UNC45A: variants seen among roughly 807,000 people sequenced by gnomAD.
The protein encoded by UNC45A is protein unc-45 homolog A.
UNC45A carries 78 observed loss-of-function variants against 103.2 expected under a neutral mutation model. The observed-to-expected ratio is 0.76, with a 90% confidence interval of 0.63 to 0.91. The LOEUF is 0.91. Among genes scored for constraint, UNC45A ranks in the 40% least tolerant of loss-of-function variants. UNC45A has a pLI of 0.00. For missense variants in UNC45A, 1,193 were observed against 1,224.8 expected, an observed-to-expected ratio of 0.97 and a Z score of 0.39; for synonymous variants, 495 against 504.6, an observed-to-expected ratio of 0.98 and a Z score of 0.25.
Position 90,953,496 on chromosome 15 carries a change from T to C in UNC45A, c.2615T>C (p.Leu872Pro). Reference sequence around the variant, plus strand: ...CTGGAGATCCTGCAGGCCCTGCTTCTGAGCTCCAACCAGGAGCTGCAGCAC... The same window carrying C: ...CTGGAGATCCTGCAGGCCCTGCTTCCGAGCTCCAACCAGGAGCTGCAGCAC... Reference protein sequence around the residue: ...HWLEILQALLLSSNQELQHRG... With the variant: ...HWLEILQALLPSSNQELQHRG... Residue 872 changes from leucine (L) to proline (P), a missense_variant, in exon 20 of 20, where the codon CTG becomes CCG. Transcript: ENST00000418476. 6.2e-7 allele frequency: 1 copy of C among 1,614,082 alleles called. No homozygotes were observed. Among genetic ancestry groups the C allele is most frequent in the South Asian group, 1.1e-5 (1 of 91,078 alleles).
At position 90,953,798 on chromosome 15, in the gene UNC45A, G is replaced by C; in HGVS notation, c.*82G>C. 6.5e-7 allele frequency: 1 copy of C among 1,530,082 alleles called. No individual in the cohort carries two copies. Among genetic ancestry groups the C allele is most frequent in the Non-Finnish European group, 8.8e-7 (1 of 1,133,506 alleles). The allele number at this position is 1,530,082 out of a possible 1,614,324, so 94.8% of individuals were successfully genotyped here. ...GTAAGGACGGAAGCAGCTTTGGCTG[G>C]TGGTGGCTGGCATGCCCAATACTCT... is the stretch of plus-strand genomic sequence containing the variant. On this transcript the variant is annotated 3_prime_UTR_variant, in exon 20 of 20. Transcript: ENST00000418476.
upstream of UNC45A, chr15:90,932,289 A>C: frequency 1.2e-6 from 1 of 836,774 alleles, no homozygotes; most frequent in Non-Finnish European, 1.8e-6. Context: ...TACCGTTCCA[A>C]TTGTTATGAG....
At chr15:90,934,082 A>G (rs1387032024), upstream of UNC45A, 3 of 399,022 alleles carry the variant, frequency 7.5e-6, no homozygotes, top group African/African-American at 6.2e-5. Flanking sequence ...TGACAGGCCT[A>G]TCTGTGGGGC....
upstream of UNC45A, chr15:90,935,267 C>T (rs934218485): frequency 3.1e-5 from 47 of 1,535,054 alleles, no homozygotes; most frequent in African/African-American, 4.1e-5. Context: ...CGTCCCGAAC[C>T]CAGACTCGCC....
chr15:90,953,388 T>C, intron 19 of UNC45A, 71 bp from the exon 20 acceptor site: 2 of 1,596,856 alleles, frequency 1.3e-6, no homozygotes, highest in African/African-American at 2.7e-5. Context: ...AGTCCTAGGG[T>C]GTGTGGGTGT....
At chr15:90,932,832 GA>G (rs2035852587), upstream of UNC45A, 1 of 339,414 alleles carries the variant, frequency 2.9e-6, no homozygotes, top group Non-Finnish European at 5.3e-6. Flanking sequence ...AGACAGACAA[GA>G]AATAAGGCAG....
intron 17 of UNC45A, 24 bp downstream of exon 17, chr15:90,950,639 G>A (rs751284131): frequency 6.2e-7 from 1 of 1,609,102 alleles, no homozygotes; most frequent in African/African-American, 1.3e-5. Context: ...GGATTGCGGG[G>A]CCTGGACCAG....
chr15:90,941,456 G>C lies in UNC45A; in HGVS notation c.688-981G>C, dbSNP rs1013572820. ...TAGATAGGGGTGAAACTGTGAAATA[G>C]TCAATGAAATCTCTTTAGGCTAAGC... is the stretch of plus-strand genomic sequence containing the variant. On this transcript the variant is annotated intron_variant, in intron 6 of 19. Transcript: ENST00000418476. Among the ~76,000 whole-genome samples the C allele has an allele frequency of 4.6e-5, 7 of 152,330 alleles. No individual in the cohort carries two copies. In the South Asian group the frequency reaches 1.2e-3, roughly 27 times the overall value.
At chr15:90,937,488 TTG>T (rs2036078517) in intron 4 of UNC45A, among the ~76,000 whole-genome samples, 8 of 143,654 alleles carry the variant, frequency 5.6e-5, no homozygotes, top group African/African-American at 1.4e-4. Flanking sequence ...AGGAAAATAA[TTG>T]TTTTTTTTTT....
In UNC45A at chr15:90,953,002, C is replaced by T. The variant is rs771331941; in HGVS notation, c.2377C>T (p.Arg793Trp). 9.2e-5 allele frequency: 149 copies of T among 1,613,426 alleles called. No homozygotes were observed. Among genetic ancestry groups the T allele is most frequent in the South Asian group, 4.3e-4 (39 of 91,088 alleles). ...YMFEEHEMIR[R>W]AATECMCNLA... ...GTTTGAGGAGCATGAGATGATCCGC[C>T]GGGCAGCCACGGAGTGCATGTGTAA... is the stretch of plus-strand genomic sequence containing the variant. Residue 793 changes from arginine (R) to tryptophan (W), a missense_variant, in exon 18 of 20, where the codon CGG (arginine) becomes TGG (tryptophan). Physicochemically the swap from Arg to Trp is moderately radical, Grantham distance 101. Coordinates refer to ENST00000418476, the MANE Select transcript of UNC45A (RefSeq NM_018671.5).
intron 2 of UNC45A, 35 bp downstream of exon 2, chr15:90,935,740 C>G: frequency 1.3e-6 from 2 of 1,533,110 alleles, no homozygotes; most frequent in South Asian, 1.3e-5. Flanking sequence ...CTCGCCCGCC[C>G]GGGCCCCGGT....
intron 19 of UNC45A, 21 bp downstream of exon 19, chr15:90,953,331 G>C (rs959329881): frequency 7.5e-6 from 12 of 1,600,520 alleles, no homozygotes; most frequent in African/African-American, 6.7e-5. Flanking sequence ...CTTCTCAGTG[G>C]GGGAGGAGGG....
intron 4 of UNC45A, among the ~76,000 whole-genome samples, chr15:90,937,586 A>G (rs1054577116): frequency 9.3e-5 from 14 of 151,286 alleles, no homozygotes; most frequent in Admixed American, 2.0e-4. Flanking sequence ...TCCCAGGTTC[A>G]AGTGAGTCTC....
intron 8 of UNC45A, among the ~76,000 whole-genome samples, 175 bp from the exon 9 acceptor site, chr15:90,944,717 G>A (rs760091203): frequency 1.3e-5 from 2 of 152,186 alleles, no homozygotes; most frequent in Admixed American, 6.5e-5. Flanking sequence ...TCCTACAGCC[G>A]CCTCCCTTAG....
intron 9 of UNC45A, among the ~76,000 whole-genome samples, chr15:90,946,000 A>C (rs1292738663): frequency 6.6e-6 from 1 of 151,320 alleles, no homozygotes. Context: ...CTGTAATCCC[A>C]GCACTTTGGG....
At chr15:90,937,494 T>G (rs1299651967) in intron 4 of UNC45A, among the ~76,000 whole-genome samples, 5 of 151,898 alleles carry the variant, frequency 3.3e-5, no homozygotes, top group Admixed American at 1.3e-4. Flanking sequence ...ATAATTGTTT[T>G]TTTTTTTTTT....
chr15:90,935,189 C>G (rs2151352663), upstream of UNC45A: 1 of 872,506 alleles, frequency 1.1e-6, no homozygotes. Context: ...GGGCGCGCTC[C>G]CTCCTTAGCC....
chr15:90,938,816 C>A (rs1300122770), intron 4 of UNC45A, among the ~76,000 whole-genome samples: 2 of 152,022 alleles, frequency 1.3e-5, no homozygotes, highest in Non-Finnish European at 2.9e-5. Flanking sequence ...GGATTACAGG[C>A]ACCCGCCACC....
chr15:90,952,896 G>A (rs8039664), intron 17 of UNC45A, 33 bp from the exon 18 acceptor site: 71,051 of 1,588,416 alleles, frequency 0.045, 4,969 homozygotes, highest in African/African-American at 0.33. Flanking sequence ...CATCCAAACC[G>A]TATCCCTGCT....
Sources: gnomAD v4.1 joint callset for allele counts (sites outside exome capture counted in the v4.1 genomes callset) on GRCh38, gnomAD v4.1.1 for gene constraint, MANE v1.5 for transcripts, NCBI Gene and HGNC (gene_info 2026-07-23, HGNC 2026-07-21) for gene names.